The following IQGAP2 variants were observed in gnomAD, a reference collection of about 807,000 sequenced individuals.
IQGAP2 encodes ras GTPase-activating-like protein IQGAP2.
Under a neutral mutation model 201.3 loss-of-function variants are expected in IQGAP2, and 173 were observed. That is an observed-to-expected ratio of 0.86 (90% CI 0.76 to 0.98). The LOEUF is 0.98. IQGAP2 is among the 50% of genes least tolerant of loss of function. IQGAP2 has a pLI of 0.00. For synonymous variants in IQGAP2, 675 were observed against 673.9 expected (o/e 1.00, Z -0.03); for missense variants, 1,687 against 1,864.8 (o/e 0.90, Z 1.76).
intron 1 of IQGAP2, among the ~76,000 whole-genome samples, chr5:76,446,044 A>G (rs1209937720): frequency 6.6e-6 from 1 of 152,186 alleles, no homozygotes; most frequent in Non-Finnish European, 1.5e-5. Flanking sequence ...AATGAATAAT[A>G]TTGCCTTGTA....
intron 30 of IQGAP2, among the ~76,000 whole-genome samples, chr5:76,689,251 A>AG (rs1286431301): frequency 6.7e-6 from 1 of 149,498 alleles, no homozygotes; most frequent in Admixed American, 6.8e-5. Flanking sequence ...AAAAAAAAAA[A>AG]AAAAACCTGG....
Position 76,674,557 on chromosome 5 carries a change from A to T in IQGAP2, c.3375A>T (p.Thr1125=). 5 of 1,614,148 alleles carry T rather than the reference A, an allele frequency of 3.1e-6. No individual in the cohort carries two copies. Among genetic ancestry groups the T allele is most frequent in the Non-Finnish European group, 3.4e-6 (4 of 1,179,998 alleles). ...APDGFDIIDM[T]AGGQINSDQR... ...ATGGCTTTGATATCATCGACATGAC[A>T]GCTGGAGGTCAGATAAATTCTGACC... The change falls in exon 27 of 36, where the codon ACA becomes ACT. Residue 1125 remains threonine, a synonymous_variant. Coordinates refer to ENST00000274364, the MANE Select transcript of IQGAP2 (RefSeq NM_006633.5).
chr5:76,564,644 A>G (rs1171530908), intron 3 of IQGAP2, among the ~76,000 whole-genome samples: 1 of 152,266 alleles, frequency 6.6e-6, no homozygotes, highest in Non-Finnish European at 1.5e-5. Context: ...TATTATTTAA[A>G]TGAATAGCAA....
intron 2 of IQGAP2, among the ~76,000 whole-genome samples, chr5:76,490,802 T>C (rs1236584293): frequency 6.6e-6 from 1 of 152,122 alleles, no homozygotes; most frequent in African/African-American, 2.4e-5. Flanking sequence ...AAAAATACTA[T>C]GGAATCTGTG....
chr5:76,646,673 G>T (rs457999), intron 17 of IQGAP2, among the ~76,000 whole-genome samples: 94,028 of 152,046 alleles, frequency 0.62, 29,240 homozygotes, highest in South Asian at 0.78. Flanking sequence ...TAGAATTCTA[G>T]ACTCATTCCT....
intron 2 of IQGAP2, among the ~76,000 whole-genome samples, chr5:76,526,748 T>A (rs757075123): frequency 1.3e-5 from 2 of 152,194 alleles, no homozygotes; most frequent in Non-Finnish European, 2.9e-5. Context: ...GGATTGTAAC[T>A]ACTACACCTG....
chr5:76,559,091 C>T (rs780764282), intron 2 of IQGAP2, among the ~76,000 whole-genome samples: 55 of 152,026 alleles, frequency 3.6e-4, no homozygotes, highest in Non-Finnish European at 6.2e-4. Context: ...TTATTAGAGA[C>T]GGGGTTTCAC....
At chr5:76,445,022 A>C (rs1197407081) in intron 1 of IQGAP2, among the ~76,000 whole-genome samples, 13 of 152,242 alleles carry the variant, frequency 8.5e-5, no homozygotes. Flanking sequence ...TAAAGAGGCT[A>C]AATTTGATAC....
chr5:76,550,466 G>A (rs1365841405), intron 2 of IQGAP2, among the ~76,000 whole-genome samples: 3 of 151,616 alleles, frequency 2.0e-5, no homozygotes, highest in Non-Finnish European at 4.4e-5. Context: ...ATGTGAACAA[G>A]GGTCTCTGGT....
intron 25 of IQGAP2, 67 bp from the exon 26 acceptor site, chr5:76,673,885 G>A: frequency 1.1e-6 from 1 of 931,872 alleles, no homozygotes; most frequent in Non-Finnish European, 1.8e-6. Flanking sequence ...TGGAACAATT[G>A]CTGTGTGTTT....
At chr5:76,449,669 A>G (rs1236813243) in intron 1 of IQGAP2, among the ~76,000 whole-genome samples, 1 of 152,138 alleles carries the variant, frequency 6.6e-6, no homozygotes, top group Non-Finnish European at 1.5e-5. Flanking sequence ...AGTAGGAATA[A>G]TTTTCCATCC....
rs150551919 is a variant in IQGAP2, at chr5:76,452,116, G to A, written c.47-9454G>A. On this transcript the variant is annotated intron_variant, in intron 1 of 35. Coordinates refer to ENST00000274364, the MANE Select transcript of IQGAP2 (RefSeq NM_006633.5). ...TACAGGTAAATGGTATAGAATATTT[G>A]GAAAATGTATAAGAATTAAAAAAAA... Among the ~76,000 whole-genome samples, 1,120 of 148,746 alleles carry A rather than the reference G, an allele frequency of 7.5e-3. 17 individuals carry two copies. Among genetic ancestry groups the A allele is most frequent in the African/African-American group, 0.026 (1,065 of 40,634 alleles).
At chr5:76,561,510 G>T (rs1057383797) in intron 2 of IQGAP2, among the ~76,000 whole-genome samples, 1 of 152,172 alleles carries the variant, frequency 6.6e-6, no homozygotes, top group Admixed American at 6.5e-5. Flanking sequence ...AGTTGGATTT[G>T]TAGATCAGTA....
intron 2 of IQGAP2, among the ~76,000 whole-genome samples, chr5:76,470,064 AC>A (rs1380293911): frequency 1.3e-5 from 2 of 152,144 alleles, no homozygotes; most frequent in African/African-American, 4.8e-5. Context: ...CTTCCAAGCC[AC>A]CCAGTGACAC....
chr5:76,445,516 G>A (rs938072684), intron 1 of IQGAP2, among the ~76,000 whole-genome samples: 6 of 150,294 alleles, frequency 4.0e-5, no homozygotes, highest in Admixed American at 6.6e-5. Flanking sequence ...CCAGGCTGGA[G>A]TGCAATGGTG....
At chr5:76,459,921 G>A (rs936675662) in intron 1 of IQGAP2, among the ~76,000 whole-genome samples, 11 of 152,234 alleles carry the variant, frequency 7.2e-5, no homozygotes, top group African/African-American at 2.6e-4. Context: ...TTACAGGCGT[G>A]AGCCACCGTG....
At chr5:76,414,363 T>C (rs1188730846) in intron 1 of IQGAP2, among the ~76,000 whole-genome samples, 1 of 152,100 alleles carries the variant, frequency 6.6e-6, no homozygotes, top group East Asian at 1.9e-4. Context: ...TCAGGTAAGA[T>C]CTAGTAAGGC....
intron 1 of IQGAP2, among the ~76,000 whole-genome samples, chr5:76,434,699 C>A (rs563701510): frequency 4.7e-4 from 71 of 152,110 alleles, no homozygotes; most frequent in Admixed American, 4.6e-4. Flanking sequence ...ATAATGACTT[C>A]TTTTCCTTTG....
Position 76,496,779 on chromosome 5 carries a change from T to TTCTCTTTCTTTCTTTC in IQGAP2, c.146+35113_146+35114insCTTTCTTTCTTTCTCT, listed in dbSNP as rs796878927. Among the ~76,000 whole-genome samples the TTCTCTTTCTTTCTTTC allele has an allele frequency of 1.6e-3, 152 of 97,574 alleles. 1 individual carries two copies. Among genetic ancestry groups the TTCTCTTTCTTTCTTTC allele is most frequent in the African/African-American group, 7.2e-3 (137 of 18,906 alleles). 64.0% of individuals were successfully genotyped at this position (97,574 alleles called of 152,430 possible). On this transcript the variant is annotated intron_variant, in intron 2 of 35. Transcript: ENST00000274364. Reference sequence around the variant, plus strand: ...TTTCTTTCTTTCTTTCTTTCTTTCTTTCTTTCTTTCTTTCTCTTTCTTTCT... The same window carrying TTCTCTTTCTTTCTTTC: ...TTTCTTTCTTTCTTTCTTTCTTTCTTTCTCTTTCTTTCTTTCTCTTTCTTTCTTTCTCTTTCTTTCT...
Sources: gnomAD v4.1 joint callset for allele counts (sites outside exome capture counted in the v4.1 genomes callset) on GRCh38, gnomAD v4.1.1 for gene constraint, MANE v1.5 for transcripts, NCBI Gene and HGNC (gene_info 2026-07-23, HGNC 2026-07-21) for gene names.